The following FAM111B variants were observed in gnomAD, a reference collection of about 807,000 sequenced individuals.
FAM111B encodes serine protease FAM111B.
Under a neutral mutation model 2.8 loss-of-function variants are expected in FAM111B, and 1 was observed. The observed-to-expected ratio is 0.36, with a 90% CI of 0.13 to 1.70. The LOEUF is 1.70. Among genes scored for constraint, FAM111B ranks in the 40% most tolerant of loss-of-function variants. The pLI is 0.35. For synonymous variants in FAM111B, 297 were observed against 295.6 expected (o/e 1.00, Z -0.05); for missense variants, 882 against 878.9 (o/e 1.00, Z -0.04).
chr11:59,122,864 C>G (rs1024128872), intron 3 of FAM111B, among the ~76,000 whole-genome samples: 4 of 152,128 alleles, frequency 2.6e-5, no homozygotes, highest in African/African-American at 4.8e-5. Flanking sequence ...TTGCACCTAC[C>G]TACTAAATGA....
chr11:59,119,145 C>A (rs1186097420), intron 3 of FAM111B, among the ~76,000 whole-genome samples: 6 of 152,182 alleles, frequency 3.9e-5, no homozygotes, highest in Admixed American at 1.3e-4. Context: ...ATTTCCCTGA[C>A]TTAGGTGATT....
At chr11:59,108,004 T>TA in intron 1 of FAM111B, among the ~76,000 whole-genome samples, 1 of 152,324 alleles carries the variant, frequency 6.6e-6, no homozygotes, top group African/African-American at 2.4e-5. Flanking sequence ...ATTGAGGTCA[T>TA]CCTGCGGTGA....
chr11:59,125,730 T>A lies in FAM111B; in HGVS notation c.1633T>A (p.Tyr545Asn), dbSNP rs1860016032. 6 of 1,613,682 alleles carry A rather than the reference T, an allele frequency of 3.7e-6. No homozygotes were observed. The highest frequency in any genetic ancestry group is 5.1e-6 in the Non-Finnish European group (6 of 1,179,824). The part of the protein sequence containing the change: ...WLKVSNENLD[Y>N]AILKLKENGN... ...TAAAGTGTCCAATGAAAATCTAGATTATGCCATTTTAAAACTAAAAGAAAA... is the reference window on the plus strand; with the variant it reads ...TAAAGTGTCCAATGAAAATCTAGATAATGCCATTTTAAAACTAAAAGAAAA... The change falls in exon 4 of 4, where the codon TAT becomes AAT. Residue 545 changes from tyrosine (Y) to asparagine (N), a missense_variant. Transcript: ENST00000343597.
Position 59,124,243 on chromosome 11 carries a change from A to C in FAM111B, c.146A>C (p.Lys49Thr), listed in dbSNP as rs1369377606. ...GATCATTGTCTATCTGGCATAAGAAAGTGTAGCAGCACCTTTAAGCTTAAA... is the reference window on the plus strand; with the variant it reads ...GATCATTGTCTATCTGGCATAAGAACGTGTAGCAGCACCTTTAAGCTTAAA... Reference protein sequence around the residue: ...PVDHCLSGIRKCSSTFKLKSE... With the variant: ...PVDHCLSGIRTCSSTFKLKSE... The change falls in exon 4 of 4, where the codon AAG (lysine) becomes ACG (threonine). Residue 49 changes from lysine to threonine, a missense_variant. Coordinates refer to ENST00000343597, the MANE Select transcript of FAM111B (RefSeq NM_198947.4). The C allele has an allele frequency of 6.2e-7, 1 of 1,613,768 alleles. No individual in the cohort carries two copies. The highest frequency in any genetic ancestry group is 1.3e-5 in the African/African-American group (1 of 74,938).
At chr11:59,123,850 C>T (rs1859960734) in intron 3 of FAM111B, among the ~76,000 whole-genome samples, 1 of 152,154 alleles carries the variant, frequency 6.6e-6, no homozygotes, top group South Asian at 2.1e-4. Context: ...TTCTTTGCAT[C>T]TGGATATCCA....
chr11:59,119,585 AATAATGGGCT>A (rs1859890197), intron 3 of FAM111B, among the ~76,000 whole-genome samples: 1 of 152,184 alleles, frequency 6.6e-6, no homozygotes, highest in Non-Finnish European at 1.5e-5. Flanking sequence ...AATTAGTGGA[AATAATGGGCT>A]ATAATGGGCT....
chr11:59,125,088 A>T lies in FAM111B; in HGVS notation c.991A>T (p.Ser331Cys), dbSNP rs779035739. The change falls in exon 4 of 4, where the codon AGC becomes TGC. Residue 331 changes from serine to cysteine, a missense_variant. Transcript: ENST00000343597. Reference sequence around the variant, plus strand: ...GCAAATTCTCCCACCTCAGGATCTAAGCCATTATATTAAAGATAAAACTCG... The same window carrying T: ...GCAAATTCTCCCACCTCAGGATCTATGCCATTATATTAAAGATAAAACTCG... ...REQILPPQDL[S>C]HYIKDKTRQT... 5.0e-6 allele frequency: 8 copies of T among 1,613,560 alleles called. No homozygotes were observed. The highest frequency in any genetic ancestry group is 3.3e-5 in the Admixed American group (2 of 59,962).
intron 3 of FAM111B, among the ~76,000 whole-genome samples, chr11:59,116,830 G>A (rs1313869034): frequency 6.6e-6 from 1 of 152,206 alleles, no homozygotes; most frequent in East Asian, 1.9e-4. Context: ...GCAGAATGGT[G>A]GCAAGAACTC....
chr11:59,112,318 G>C (rs187727212), intron 3 of FAM111B, among the ~76,000 whole-genome samples: 1 of 152,192 alleles, frequency 6.6e-6, no homozygotes, highest in Non-Finnish European at 1.5e-5. Context: ...AGATTCATGA[G>C]TGTTGCATGC....
chr11:59,126,110 T>C lies in FAM111B; in HGVS notation c.2013T>C (p.Tyr671=). 6.2e-7 allele frequency: 1 copy of C among 1,613,438 alleles called. No homozygotes were observed. The highest frequency in any genetic ancestry group is 8.5e-7 in the Non-Finnish European group (1 of 1,179,670). Residue 671 remains tyrosine (Y), a synonymous_variant, in exon 4 of 4, where the codon TAT becomes TAC. Transcript: ENST00000343597. Reference sequence around the variant, plus strand: ...CTTTGCATACCTTTGGGCTTTTTTATCAACGAGGATTTAATGTGCATGCCC... The same window carrying C: ...CTTTGCATACCTTTGGGCTTTTTTACCAACGAGGATTTAATGTGCATGCCC... ...LVALHTFGLF[Y]QRGFNVHALI... is the part of the protein sequence containing the mutation.
intron 3 of FAM111B, among the ~76,000 whole-genome samples, chr11:59,117,185 A>G (rs1356330000): frequency 1.3e-5 from 2 of 152,196 alleles, no homozygotes; most frequent in Non-Finnish European, 2.9e-5. Context: ...CTATACCTTA[A>G]GCAGAAAACC....
At chr11:59,118,531 T>G (rs1449382302) in intron 3 of FAM111B, among the ~76,000 whole-genome samples, 2 of 152,260 alleles carry the variant, frequency 1.3e-5, no homozygotes, top group Non-Finnish European at 2.9e-5. Context: ...AATTTCTTTC[T>G]GATCCAGATG....
intron 3 of FAM111B, among the ~76,000 whole-genome samples, chr11:59,118,565 AT>A (rs1452421456): frequency 6.6e-6 from 1 of 152,066 alleles, no homozygotes; most frequent in Non-Finnish European, 1.5e-5. Flanking sequence ...TCTGTTTTTT[AT>A]TGCACTGGCT....
rs765466880 is a variant in FAM111B, at chr11:59,126,356, A to T, written c.*54A>T. ...GCCAATAATTCCTGGCAAAGATTTC[A>T]TGACAAAGACACTTAAAGCAATTGC... On this transcript the variant is annotated 3_prime_UTR_variant, in exon 4 of 4. Transcript: ENST00000343597. 2.1e-6 allele frequency: 3 copies of T among 1,419,616 alleles called. No individual in the cohort carries two copies. Among genetic ancestry groups the T allele is most frequent in the Non-Finnish European group, 2.8e-6 (3 of 1,062,098 alleles). 87.9% of individuals were successfully genotyped at this position (1,419,616 alleles called of 1,614,324 possible). A position where few individuals can be genotyped will look rare whatever the true frequency, so the allele number is the denominator to read the frequency against.
chr11:59,122,007 G>T (rs1313216645), intron 3 of FAM111B, among the ~76,000 whole-genome samples: 3 of 152,162 alleles, frequency 2.0e-5, no homozygotes, highest in African/African-American at 4.8e-5. Flanking sequence ...GCTGGGCATG[G>T]TGGCATGCAC....
chr11:59,119,377 A>T (rs969641452), intron 3 of FAM111B, among the ~76,000 whole-genome samples: 1 of 152,078 alleles, frequency 6.6e-6, no homozygotes. Context: ...TAGAGTTTGC[A>T]TCATTGTTTT....
intron 1 of FAM111B, among the ~76,000 whole-genome samples, chr11:59,107,841 T>C (rs1565185425): frequency 1.3e-5 from 2 of 152,326 alleles, no homozygotes; most frequent in African/African-American, 2.4e-5. Context: ...GATTGAGGTA[T>C]GGTAATCAGC....
rs764062328 is a variant in FAM111B at position 59,124,538 on chromosome 11, C to T, written c.441C>T (p.Leu147=). 6.8e-6 allele frequency: 11 copies of T among 1,613,502 alleles called. No individual in the cohort carries two copies. The highest frequency in any genetic ancestry group is 1.7e-6 in the Non-Finnish European group (2 of 1,179,670). ...IDGHINLGMP[L]KCLPSDSHFK... ...GACATATAAATTTAGGAATGCCTCT[C>T]AAGTGCCTGCCTAGTGATTCTCATT... is the stretch of plus-strand genomic sequence containing the variant. Residue 147 remains leucine (L), a synonymous_variant, in exon 4 of 4, where the codon CTC becomes CTT. Transcript: ENST00000343597.
Position 59,126,918 on chromosome 11 carries a change from T to C in FAM111B, c.*616T>C. On this transcript the variant is annotated 3_prime_UTR_variant, in exon 4 of 4. Transcript: ENST00000343597. ...ATGTCCAAAGGAATATAAATTGTTC[T>C]ACCATAAAGACATGCACATATATGT... 1 of 156,070 alleles carries C rather than the reference T, an allele frequency of 6.4e-6. No homozygotes were observed. The allele number at this position is 156,070 out of a possible 1,614,324, so 9.7% of individuals were successfully genotyped here.
Sources: allele counts gnomAD v4.1 joint callset (sites outside exome capture counted in the v4.1 genomes callset), GRCh38; gene constraint gnomAD v4.1.1; transcripts MANE v1.5; gene names NCBI Gene and HGNC (gene_info 2026-07-23, HGNC 2026-07-21).